Variants in SH2B1 observed in about 807,000 individuals in gnomAD.
SH2B1 encodes SH2B adapter protein 1.
In SH2B1, 15 loss-of-function variants were observed where a neutral mutation model predicts 62.6. The ratio of observed to expected loss-of-function variants is 0.24; its 90% CI spans 0.16 to 0.37. SH2B1 has a LOEUF of 0.37. Among genes scored for constraint, SH2B1 ranks in the 10% least tolerant of loss-of-function variants. The pLI is 1.00. For missense variants in SH2B1, 925 were observed against 1,015.6 expected (o/e 0.91, Z 1.21); for synonymous variants, 443 against 438.0 (o/e 1.01, Z -0.14).
chr16:28,872,965 C>T lies in SH2B1; in HGVS notation c.1897+260C>T, dbSNP rs1446106056. 1.6e-6 allele frequency: 1 copy of T among 637,208 alleles called. No individual in the cohort carries two copies. Among genetic ancestry groups the T allele is most frequent in the Non-Finnish European group, 2.7e-6 (1 of 366,758 alleles). The allele number at this position is 637,208 out of a possible 1,614,324, so 39.5% of individuals were successfully genotyped here. On this transcript the variant is annotated intron_variant, in intron 7 of 7. Transcript: ENST00000684370. The surrounding 1 kb of genome is among the most constrained non-coding windows in gnomAD (Gnocchi z 5.3). The stretch of plus-strand genomic sequence containing the variant: ...CGGGCGCATCCCCATTCCATCGGAT[C>T]CTCTGTTCCATTGTCTGTCTGTCTC...
chr16:28,847,175 AG>A (rs1246161966), intron 1 of SH2B1, among the ~76,000 whole-genome samples: 4 of 152,194 alleles, frequency 2.6e-5, no homozygotes, highest in Non-Finnish European at 2.9e-5. Context: ...AAGGATGAGG[AG>A]CCAGCTAGGG....
Position 28,873,877 on chromosome 16 carries a change from G to A in SH2B1, c.*57G>A, listed in dbSNP as rs914677952. The A allele has an allele frequency of 2.9e-6, 4 of 1,383,388 alleles. No individual in the cohort carries two copies. The African/African-American group carries it at 5.9e-5, about 21-fold the overall frequency. The allele number at this position is 1,383,388 out of a possible 1,614,324, so 85.7% of individuals were successfully genotyped here. On this transcript the variant is annotated 3_prime_UTR_variant, in exon 8 of 8. Coordinates refer to ENST00000684370, the MANE Select transcript of SH2B1 (RefSeq NM_001387430.1). The surrounding 1 kb of genome is among the most constrained non-coding windows in gnomAD (Gnocchi z 4.2). ...CCCCCAGCCCTGCTCGTGAGATTGG[G>A]CTGGGTAGGGACAGAGGAGGCCGAA...
upstream of SH2B1, chr16:28,846,661 G>C: frequency 4.6e-6 from 1 of 219,228 alleles, no homozygotes; most frequent in South Asian, 8.2e-5. Context: ...AGTCAGGCGG[G>C]CTAGGCCGGA....
intron 1 of SH2B1, among the ~76,000 whole-genome samples, chr16:28,850,232 T>G (rs1962065075): frequency 6.6e-6 from 1 of 152,190 alleles, no homozygotes; most frequent in Non-Finnish European, 1.5e-5. Context: ...TGATTTGACC[T>G]GATAAGAAAA....
chr16:28,864,096 TGGTCCCGA>T lies in SH2B1; in HGVS notation c.-1995_-1988del. The T allele has an allele frequency of 7.9e-7, 1 of 1,270,980 alleles. No homozygotes were observed. Among genetic ancestry groups the T allele is most frequent in the Non-Finnish European group, 1.0e-6 (1 of 1,001,526 alleles). The allele number at this position is 1,270,980 out of a possible 1,614,324, so 78.7% of individuals were successfully genotyped here. On this transcript the variant is annotated 5_prime_UTR_variant, in exon 1 of 8. It introduces an in-frame stop codon into an upstream open reading frame of the 5' UTR. Transcript: ENST00000684370. ...CCCCGGAGAGTGCAGCAGACAGGGC[TGGTCCCGA>T]GGTGGATGCGGCCCCGGAAAATGGG...
Position 28,864,381 on chromosome 16 carries a change from G to T in SH2B1, c.-1714G>T, listed in dbSNP as rs980936553. On this transcript the variant is annotated 5_prime_UTR_variant, in exon 1 of 8. In the 5' UTR this introduces an upstream ATG that the reference lacks. Coordinates refer to ENST00000684370, the MANE Select transcript of SH2B1 (RefSeq NM_001387430.1). ...GGGCTGGGTCTGTCTGCGGTGCGGAGGATTGGGTGGGCCTGTGTGAGCCGA... is the reference window on the plus strand; with the variant it reads ...GGGCTGGGTCTGTCTGCGGTGCGGATGATTGGGTGGGCCTGTGTGAGCCGA... 6.1e-6 allele frequency: 6 copies of T among 989,054 alleles called. No individual in the cohort carries two copies. Among genetic ancestry groups the T allele is most frequent in the Non-Finnish European group, 6.0e-6 (5 of 832,008 alleles). The allele number at this position is 989,054 out of a possible 1,614,324, so 61.3% of individuals were successfully genotyped here.
intron 1 of SH2B1, among the ~76,000 whole-genome samples, chr16:28,857,333 T>C (rs1268244494): frequency 2.2e-5 from 3 of 136,544 alleles, no homozygotes; most frequent in Non-Finnish European, 4.6e-5. Context: ...CAGCCATGCA[T>C]GGCTTCCCAG....
intron 2 of SH2B1, among the ~76,000 whole-genome samples, chr16:28,868,299 C>T (rs1053299049): frequency 6.6e-6 from 1 of 151,686 alleles, no homozygotes; most frequent in Non-Finnish European, 1.5e-5. Context: ...GCCACCACGC[C>T]CGGATAATTT....
In SH2B1 at chr16:28,852,962, C is replaced by CATATATATTTTT. The variant is rs746298122; in HGVS notation, c.-301+6143_-301+6144insTTTTATATATAT. On this transcript the variant is annotated intron_variant, in intron 1 of 10. Transcript: ENST00000322610. ...TGTACATATATATTTTATATATGTA[C>CATATATATTTTT]ATATATATGTACATATATATTTTAT... Among the ~76,000 whole-genome samples the CATATATATTTTT allele has an allele frequency of 1.7e-4, 7 of 40,522 alleles. 1 individual carries two copies. Among genetic ancestry groups the CATATATATTTTT allele is most frequent in the Non-Finnish European group, 3.6e-4 (7 of 19,648 alleles). The allele number at this position is 40,522 out of a possible 152,430, so 26.6% of individuals were successfully genotyped here.
At chr16:28,867,528 A>G (rs143106970) in intron 2 of SH2B1, 96 bp downstream of exon 2, 11 of 877,110 alleles carry the variant, frequency 1.3e-5, no homozygotes, top group South Asian at 2.7e-5. Context: ...GGAGGTATAT[A>G]TATGTGTCCA....
intron 4 of SH2B1, among the ~76,000 whole-genome samples, chr16:28,871,238 G>A (rs776174606): frequency 2.6e-5 from 4 of 152,072 alleles, no homozygotes; most frequent in Admixed American, 6.5e-5. Context: ...GGCTGCTCTC[G>A]AACTCCTAAG....
chr16:28,854,001 C>CA lies in SH2B1; in HGVS notation c.-301+7201dup, dbSNP rs59760541. On this transcript the variant is annotated intron_variant, in intron 1 of 10. Coordinates refer to the SH2B1 transcript ENST00000322610. ...TGGGAGACAGAGTGAGACTAGGTCT[C>CA]AAAAAAAAAAAAAAAAAAAAAAAAA... 6.5e-3 allele frequency among the ~76,000 whole-genome samples: 299 copies of CA among 45,992 alleles called. 35 individuals are homozygous for CA. The highest frequency in any genetic ancestry group is 0.027 in the African/African-American group (250 of 9,274). The allele number at this position is 45,992 out of a possible 152,430, so 30.2% of individuals were successfully genotyped here. A position where few individuals can be genotyped will look rare whatever the true frequency, so the allele number is the denominator to read the frequency against.
At chr16:28,871,575 C>G (rs954025031) in intron 4 of SH2B1, among the ~76,000 whole-genome samples, 1 of 152,222 alleles carries the variant, frequency 6.6e-6, no homozygotes, top group African/African-American at 2.4e-5. Flanking sequence ...AACCTCCTTG[C>G]AATAACTCTG....
intron 4 of SH2B1, among the ~76,000 whole-genome samples, chr16:28,870,687 T>G (rs1019788642): frequency 6.6e-5 from 10 of 152,070 alleles, no homozygotes; most frequent in Admixed American, 2.0e-4. Flanking sequence ...AATTATTGTT[T>G]GTGTTTTTGT....
chr16:28,852,927 T>TATATATATATGTACATATATA (rs1962207527), intron 1 of SH2B1, among the ~76,000 whole-genome samples: 2 of 53,358 alleles, frequency 3.7e-5, no homozygotes, highest in Non-Finnish European at 7.3e-5. Flanking sequence ...TATATATATT[T>TATATATATATGTACATATATA]TTATATATAT....
At chr16:28,860,905 C>T (rs577202717), upstream of SH2B1, among the ~76,000 whole-genome samples, 4 of 151,400 alleles carry the variant, frequency 2.6e-5, 1 homozygote, top group African/African-American at 9.7e-5. Flanking sequence ...CAACCTCCAC[C>T]TCCCAGGTTC....
At position 28,852,558 on chromosome 16, in the gene SH2B1, T is replaced by A. The variant is rs376989456; in HGVS notation, c.-301+5731T>A. ...CATATATTTATATATATACACATATTTATATATATACACATATATATTTAT... is the reference window on the plus strand; with the variant it reads ...CATATATTTATATATATACACATATATATATATATACACATATATATTTAT... On this transcript the variant is annotated intron_variant, in intron 1 of 10. Transcript: ENST00000322610. Among the ~76,000 whole-genome samples, 16 of 17,250 alleles carry A rather than the reference T, an allele frequency of 9.3e-4. 4 individuals are homozygous for A. The highest frequency in any genetic ancestry group is 3.9e-3 in the African/African-American group (6 of 1,534). The allele number at this position is 17,250 out of a possible 152,430, so 11.3% of individuals were successfully genotyped here. A position where few individuals can be genotyped will look rare whatever the true frequency, so the allele number is the denominator to read the frequency against.
rs371945929 is a variant in SH2B1, at chr16:28,872,015, G to T, written c.1513+32G>T. ...GAGGTGTGAGTGTGCATGTCTCCAG[G>T]CCTGGGTGCCTACCTTCCTGACCAC... On this transcript the variant is annotated intron_variant, in intron 5 of 7. Transcript: ENST00000684370. The surrounding 1 kb of genome is among the most constrained non-coding windows in gnomAD (Gnocchi z 5.3). The T allele has an allele frequency of 6.3e-6, 9 of 1,421,446 alleles. No homozygotes were observed. The East Asian group carries it at 9.1e-5, about 14-fold the overall frequency. The allele number at this position is 1,421,446 out of a possible 1,614,324, so 88.1% of individuals were successfully genotyped here.
At chr16:28,859,067 G>C (rs1013280031), upstream of SH2B1, among the ~76,000 whole-genome samples, 1 of 151,536 alleles carries the variant, frequency 6.6e-6, no homozygotes, top group Non-Finnish European at 1.5e-5. Flanking sequence ...TTAGCCTCCC[G>C]AGTAGCTGGG....
Sources: allele counts gnomAD v4.1 joint callset (sites outside exome capture counted in the v4.1 genomes callset), GRCh38; gene constraint gnomAD v4.1.1; non-coding constraint Gnocchi (gnomAD v3.1); transcripts MANE v1.5; gene names NCBI Gene and HGNC (gene_info 2026-07-23, HGNC 2026-07-21).